Variants in IL1RL1 observed in about 807,000 individuals in gnomAD.
IL1RL1 encodes interleukin-1 receptor-like 1.
Under a neutral mutation model 50.9 loss-of-function variants are expected in IL1RL1, and 32 were observed. The ratio of observed to expected loss-of-function variants is 0.63; its 90% CI spans 0.47 to 0.84. The LOEUF (loss-of-function observed/expected upper bound fraction) is 0.84. Ranked by LOEUF, IL1RL1 falls within the 40% of genes least tolerant of loss-of-function variation. The pLI is 0.00. For synonymous variants in IL1RL1, 275 were observed against 236.0 expected (o/e 1.17, Z -1.51); for missense variants, 773 against 662.9 (o/e 1.17, Z -1.82).
intron 4 of IL1RL1, 107 bp from the exon 5 acceptor site, chr2:102,340,559 G>C: frequency 8.8e-7 from 1 of 1,131,404 alleles, no homozygotes; most frequent in South Asian, 1.4e-5. Context: ...GTTACAGCGA[G>C]CCCAGATTGC....
At chr2:102,330,725 T>C (rs1449451262) in intron 1 of IL1RL1, among the ~76,000 whole-genome samples, 1 of 152,222 alleles carries the variant, frequency 6.6e-6, no homozygotes, top group Non-Finnish European at 1.5e-5. Flanking sequence ...ATGCAAATTA[T>C]GAGTATTTTG....
At chr2:102,348,662 G>A (rs1239268662) in intron 9 of IL1RL1, among the ~76,000 whole-genome samples, 1 of 152,074 alleles carries the variant, frequency 6.6e-6, no homozygotes, top group African/African-American at 2.4e-5. Flanking sequence ...TTTGATCTGT[G>A]GAAAATTCAG....
At chr2:102,334,639 G>T (rs1677262774) in intron 1 of IL1RL1, among the ~76,000 whole-genome samples, 1 of 152,102 alleles carries the variant, frequency 6.6e-6, no homozygotes, top group Admixed American at 6.6e-5. Flanking sequence ...CACTGAATGA[G>T]AGCCTGACTC....
At chr2:102,330,961 TAG>T (rs898329024) in intron 1 of IL1RL1, among the ~76,000 whole-genome samples, 3 of 152,216 alleles carry the variant, frequency 2.0e-5, no homozygotes, top group Non-Finnish European at 4.4e-5. Context: ...CTTTTTCACA[TAG>T]AGAGTCAATT....
chr2:102,351,637 G>C lies in IL1RL1; in HGVS notation c.1387G>C (p.Glu463Gln). 2.5e-6 allele frequency: 4 copies of C among 1,614,128 alleles called. No individual in the cohort carries two copies. The highest frequency in any genetic ancestry group is 3.4e-6 in the Non-Finnish European group (4 of 1,180,012). The change falls in exon 11 of 11, where the codon GAG becomes CAG. Residue 463 changes from glutamate to glutamine, a missense_variant. Coordinates refer to ENST00000233954, the MANE Select transcript of IL1RL1 (RefSeq NM_016232.5). ...THNKEFAYEQ[E>Q]VALHCALIQN... ...CAATAAGGAGTTTGCCTACGAGCAGGAGGTTGCCCTGCACTGTGCCCTCAT... is the reference window on the plus strand; with the variant it reads ...CAATAAGGAGTTTGCCTACGAGCAGCAGGTTGCCCTGCACTGTGCCCTCAT...
intron 1 of IL1RL1, among the ~76,000 whole-genome samples, chr2:102,336,830 G>A (rs1319537588): frequency 1.3e-5 from 2 of 152,050 alleles, no homozygotes; most frequent in East Asian, 1.9e-4. Context: ...TGCTTACTTC[G>A]CATTTCCTCT....
chr2:102,313,233 G>A (rs2104956242), intron 1 of IL1RL1: 1 of 152,198 alleles, frequency 6.6e-6, no homozygotes, highest in South Asian at 2.1e-4. Flanking sequence ...AGGTTAAATG[G>A]GTGTAAGTGT....
At chr2:102,333,732 C>A (rs992242008) in intron 1 of IL1RL1, among the ~76,000 whole-genome samples, 1 of 152,078 alleles carries the variant, frequency 6.6e-6, no homozygotes, top group Non-Finnish European at 1.5e-5. Flanking sequence ...TCATTCATCA[C>A]CCCCTACCCT....
At chr2:102,342,137 A>G in intron 5 of IL1RL1, 86 bp from the exon 6 acceptor site, 2 of 914,122 alleles carry the variant, frequency 2.2e-6, no homozygotes. Flanking sequence ...ATTGCTATGA[A>G]ATAGAATAGA....
chr2:102,334,802 T>C (rs978841992), intron 1 of IL1RL1, among the ~76,000 whole-genome samples: 2 of 152,190 alleles, frequency 1.3e-5, no homozygotes, highest in Non-Finnish European at 2.9e-5. Flanking sequence ...AATGAAGAAG[T>C]CTTGAAAGAT....
chr2:102,315,079 A>T (rs1046361919), intron 1 of IL1RL1, among the ~76,000 whole-genome samples: 9 of 152,112 alleles, frequency 5.9e-5, no homozygotes, highest in Admixed American at 3.9e-4. Flanking sequence ...GATTCCGCAC[A>T]TCCTATGCCT....
chr2:102,315,231 T>A (rs1573125809), intron 1 of IL1RL1, among the ~76,000 whole-genome samples: 1 of 152,056 alleles, frequency 6.6e-6, no homozygotes, highest in African/African-American at 2.4e-5. Flanking sequence ...GGAAAAGGAG[T>A]GGGATGATGT....
At chr2:102,318,339 G>C (rs1369035040) in intron 1 of IL1RL1, among the ~76,000 whole-genome samples, 2 of 151,956 alleles carry the variant, frequency 1.3e-5, no homozygotes, top group East Asian at 3.9e-4. Flanking sequence ...GCTTGAGATT[G>C]ATGTGCTGGA....
At chr2:102,316,213 G>T (rs1676670172) in intron 1 of IL1RL1, among the ~76,000 whole-genome samples, 1 of 152,186 alleles carries the variant, frequency 6.6e-6, no homozygotes, top group South Asian at 2.1e-4. Flanking sequence ...AAAATGGGAA[G>T]AAAATGGAAA....
At chr2:102,316,228 A>G (rs970170118) in intron 1 of IL1RL1, among the ~76,000 whole-genome samples, 1 of 152,210 alleles carries the variant, frequency 6.6e-6, no homozygotes. Context: ...TGGAAATAAG[A>G]TTTCTTTGAT....
Position 102,351,565 on chromosome 2 carries a change from C to T in IL1RL1, c.1315C>T (p.Arg439Ter), listed in dbSNP as rs764765442. 40 of 1,613,828 alleles carry T rather than the reference C, an allele frequency of 2.5e-5. No homozygotes were observed. The highest frequency in any genetic ancestry group is 3.3e-5 in the Admixed American group (2 of 59,986). Residue 439 changes from arginine to a stop codon, truncating the protein, a stop_gained, in exon 11 of 11, where the codon CGA (arginine) becomes TGA (stop). Transcript: ENST00000233954. LOFTEE classifies it low-confidence loss of function (END_TRUNC). Reference sequence around the variant, plus strand: ...AGTCACTGCAGTGGAAACCAACATACGAAAGAGCAGGCGGCACATTTTCAT... The same window carrying T: ...AGTCACTGCAGTGGAAACCAACATATGAAAGAGCAGGCGGCACATTTTCAT... ...DVVTAVETNI[R>*]KSRRHIFILT... is the part of the protein sequence containing the mutation.
intron 10 of IL1RL1, among the ~76,000 whole-genome samples, chr2:102,350,538 A>T (rs1207463592): frequency 6.6e-6 from 1 of 152,276 alleles, no homozygotes; most frequent in Non-Finnish European, 1.5e-5. Flanking sequence ...AAAGTTCATG[A>T]CTGACTAAGG....
chr2:102,323,998 G>C (rs1676916405), intron 1 of IL1RL1, among the ~76,000 whole-genome samples: 1 of 146,730 alleles, frequency 6.8e-6, no homozygotes, highest in Non-Finnish European at 1.5e-5. Flanking sequence ...ATGTTTCTAA[G>C]ATTCATCAGT....
intron 1 of IL1RL1, among the ~76,000 whole-genome samples, chr2:102,325,016 C>T (rs917364905): frequency 6.6e-6 from 1 of 152,196 alleles, no homozygotes. Flanking sequence ...GTTCTCCCAG[C>T]ACGCAGCTGG....
Sources: allele counts gnomAD v4.1 joint callset (sites outside exome capture counted in the v4.1 genomes callset), GRCh38; gene constraint gnomAD v4.1.1; transcripts MANE v1.5; gene names NCBI Gene and HGNC (gene_info 2026-07-23, HGNC 2026-07-21).